HMGXB4: variants seen among roughly 807,000 people sequenced by gnomAD.
The protein encoded by HMGXB4 is HMG domain-containing protein 4.
HMGXB4 carries 27 observed loss-of-function variants against 63.9 expected under a neutral mutation model. The observed-to-expected ratio is 0.42, with a 90% CI of 0.31 to 0.58. The LOEUF is 0.58. Among genes scored for constraint, HMGXB4 ranks in the 20% least tolerant of loss-of-function variants. The pLI is 0.13. For synonymous variants in HMGXB4, 264 were observed against 265.3 expected (o/e 0.99, Z 0.05); for missense variants, 624 against 700.7 (o/e 0.89, Z 1.24).
At chr22:35,272,357 GACTGACACAAAGA>G (rs1158300959) in intron 5 of HMGXB4, among the ~76,000 whole-genome samples, 1 of 106,400 alleles carries the variant, frequency 9.4e-6, no homozygotes. Context: ...TGAGAATTTT[GACTGACACAAAGA>G]AGGGAAATTA....
intron 1 of HMGXB4, among the ~76,000 whole-genome samples, chr22:35,259,613 A>G (rs1279116203): frequency 6.6e-6 from 1 of 152,150 alleles, no homozygotes. Context: ...TTTATCTGGT[A>G]TCTTTCCAAA....
rs1028307230 is a variant in HMGXB4 at position 35,262,314 on chromosome 22, G to T, written c.-68-9G>T. The stretch of plus-strand genomic sequence containing the variant: ...CATTACAGGAGGGTTTTCCTTCTTT[G>T]TTTCTCAGACCTGGTCCTGTAGACG... On this transcript the variant is annotated splice_polypyrimidine_tract_variant and intron_variant, in intron 1 of 10. Transcript: ENST00000216106. 29 of 1,470,212 alleles carry T rather than the reference G, an allele frequency of 2.0e-5. No homozygotes were observed. Among genetic ancestry groups the T allele is most frequent in the Non-Finnish European group, 2.5e-5 (26 of 1,050,840 alleles). The allele number at this position is 1,470,212 out of a possible 1,614,324, so 91.1% of individuals were successfully genotyped here.
intron 5 of HMGXB4, among the ~76,000 whole-genome samples, chr22:35,266,510 A>G (rs1923261254): frequency 1.3e-5 from 2 of 152,232 alleles, no homozygotes; most frequent in East Asian, 1.9e-4. Context: ...TTAGGGAGAT[A>G]GGAATGATAA....
rs1925210962 is a variant in HMGXB4, at chr22:35,295,543, CTTT to C, written c.*1895_*1897del. On this transcript the variant is annotated 3_prime_UTR_variant, in exon 11 of 11. Coordinates refer to ENST00000216106, the MANE Select transcript of HMGXB4 (RefSeq NM_001003681.3). ...TTAATGAAATCCTGATGAGGACCTG[CTTT>C]TTGTTTGTTTTCCTTTGAAACCCAG... The C allele has an allele frequency of 6.6e-6, 1 of 152,492 alleles. No homozygotes were observed. The highest frequency in any genetic ancestry group is 1.5e-5 in the Non-Finnish European group (1 of 68,020). The allele number at this position is 152,492 out of a possible 1,614,324, so 9.4% of individuals were successfully genotyped here. A position where few individuals can be genotyped will look rare whatever the true frequency, so the allele number is the denominator to read the frequency against.
chr22:35,275,110 CTTTTTTTTTTT>C (rs59290559), intron 5 of HMGXB4, among the ~76,000 whole-genome samples: 4 of 103,534 alleles, frequency 3.9e-5, no homozygotes, highest in Non-Finnish European at 5.7e-5. Flanking sequence ...CACCAAATTT[CTTTTTTTTTTT>C]TTTTTTTTTT....
intron 5 of HMGXB4, among the ~76,000 whole-genome samples, chr22:35,278,657 A>G (rs970634817): frequency 6.7e-6 from 1 of 148,826 alleles, no homozygotes; most frequent in Non-Finnish European, 1.5e-5. Flanking sequence ...TTTTAATATT[A>G]TTTTTTTTTA....
upstream of HMGXB4, among the ~76,000 whole-genome samples, chr22:35,252,613 T>C (rs1415467877): frequency 6.6e-6 from 1 of 152,230 alleles, no homozygotes; most frequent in Non-Finnish European, 1.5e-5. Context: ...CAGTATCAAG[T>C]TAGATCTTGA....
rs1175535462 is a variant in HMGXB4, at chr22:35,288,190, A to G, written c.1469-48A>G. 6 of 1,384,356 alleles carry G rather than the reference A, an allele frequency of 4.3e-6. No homozygotes were observed. In the Admixed American group the frequency reaches 1.3e-4, roughly 31 times the overall value. 85.8% of individuals were successfully genotyped at this position (1,384,356 alleles called of 1,614,324 possible). A position where few individuals can be genotyped will look rare whatever the true frequency, so the allele number is the denominator to read the frequency against. Reference sequence around the variant, plus strand: ...CAGGAAGAACAACTTTGTGTTGTTCAAGGCTGTAGGCAAGTTTTACCTGTC... The same window carrying G: ...CAGGAAGAACAACTTTGTGTTGTTCGAGGCTGTAGGCAAGTTTTACCTGTC... On this transcript the variant is annotated intron_variant, in intron 8 of 10. Transcript: ENST00000216106.
In HMGXB4 at chr22:35,265,358, A is replaced by C; in HGVS notation, c.970A>C (p.Lys324Gln). The part of the protein sequence containing the change: ...REIKKKKKSK[K>Q]SKKKKDKEKH... Reference sequence around the variant, plus strand: ...AATCAAGAAGAAAAAGAAGTCAAAGAAGAGCAAAAAGAAGAAAGACAAGGA... The same window carrying C: ...AATCAAGAAGAAAAAGAAGTCAAAGCAGAGCAAAAAGAAGAAAGACAAGGA... Residue 324 changes from lysine to glutamine, a missense_variant, in exon 5 of 11, where the codon AAG becomes CAG. Transcript: ENST00000216106. 6.2e-7 allele frequency: 1 copy of C among 1,614,046 alleles called. No individual in the cohort carries two copies. Among genetic ancestry groups the C allele is most frequent in the Non-Finnish European group, 8.5e-7 (1 of 1,179,998 alleles).
At chr22:35,283,623 C>T (rs1440376405) in intron 5 of HMGXB4, among the ~76,000 whole-genome samples, 2 of 152,100 alleles carry the variant, frequency 1.3e-5, no homozygotes, top group African/African-American at 2.4e-5. Context: ...AACCCCATCT[C>T]TACTAAAAAT....
chr22:35,257,665 G>C (rs1922513771), intron 1 of HMGXB4, 108 bp downstream of exon 1: 1 of 152,552 alleles, frequency 6.6e-6, no homozygotes, highest in South Asian at 2.1e-4. Flanking sequence ...CATCACCTCT[G>C]GGGTGCCCCA....
intron 4 of HMGXB4, 72 bp from the exon 5 acceptor site, chr22:35,264,576 T>A: frequency 9.2e-7 from 1 of 1,089,282 alleles, no homozygotes; most frequent in Non-Finnish European, 1.3e-6. Flanking sequence ...GCTAGGTGCT[T>A]TTGATGAGAG....
At chr22:35,252,651 T>C (rs1568990245), upstream of HMGXB4, among the ~76,000 whole-genome samples, 1 of 152,234 alleles carries the variant, frequency 6.6e-6, no homozygotes, top group East Asian at 1.9e-4. Context: ...TCTAGCTGCA[T>C]GTTGCTAGCT....
intron 4 of HMGXB4, 56 bp downstream of exon 4, chr22:35,263,930 G>C (rs1458923720): frequency 6.3e-7 from 1 of 1,597,368 alleles, no homozygotes; most frequent in East Asian, 2.2e-5. Context: ...TCTTGGAGTC[G>C]GGGTAGGGGA....
At chr22:35,273,532 C>G (rs181489859) in intron 5 of HMGXB4, among the ~76,000 whole-genome samples, 2 of 152,374 alleles carry the variant, frequency 1.3e-5, no homozygotes, top group East Asian at 3.9e-4. Context: ...TCAGCTGTTA[C>G]AGTTACTTTC....
chr22:35,256,205 T>A (rs1922394534), upstream of HMGXB4, among the ~76,000 whole-genome samples: 1 of 152,226 alleles, frequency 6.6e-6, no homozygotes, highest in Admixed American at 6.5e-5. Flanking sequence ...TTGCTTTTAT[T>A]GGTCTCATGA....
chr22:35,257,222 C>T (rs1337452024), upstream of HMGXB4, among the ~76,000 whole-genome samples: 2 of 152,184 alleles, frequency 1.3e-5, no homozygotes, highest in African/African-American at 4.8e-5. Flanking sequence ...CCTGTGTATC[C>T]TTGGGCACGT....
intron 5 of HMGXB4, among the ~76,000 whole-genome samples, chr22:35,279,699 T>TTTTTTTG (rs144948164): frequency 3.7e-5 from 4 of 108,256 alleles, no homozygotes; most frequent in African/African-American, 5.7e-5. Flanking sequence ...TTTTTTTTTT[T>TTTTTTTG]GGCATGTGGA....
intron 4 of HMGXB4, among the ~76,000 whole-genome samples, chr22:35,264,378 TG>T (rs1212083755): frequency 6.6e-6 from 1 of 152,240 alleles, no homozygotes; most frequent in African/African-American, 2.4e-5. Flanking sequence ...TCAGTTCTTC[TG>T]GGTATGTGCT....
Sources: gnomAD v4.1 joint callset for allele counts (sites outside exome capture counted in the v4.1 genomes callset) on GRCh38, gnomAD v4.1.1 for gene constraint, MANE v1.5 for transcripts, NCBI Gene and HGNC (gene_info 2026-07-23, HGNC 2026-07-21) for gene names.